Variants in PABPC4L observed in about 807,000 individuals in gnomAD.
The protein encoded by PABPC4L is poly(A) binding protein cytoplasmic 4 like, also known as polyadenylate-binding protein 4-like.
For missense variants in PABPC4L, 452 were observed against 451.4 expected, an observed-to-expected ratio of 1.00 and a Z score of -0.01; for synonymous variants, 169 against 164.1, an observed-to-expected ratio of 1.03 and a Z score of -0.23.
the PABPC4L span, among the ~76,000 whole-genome samples, chr4:133,969,162 C>G: frequency 6.6e-6 from 1 of 152,148 alleles, no homozygotes; most frequent in Non-Finnish European, 1.5e-5. Flanking sequence ...TTCCTTCTCA[C>G]TCTATATACA....
the PABPC4L span, among the ~76,000 whole-genome samples, chr4:134,133,597 C>G: frequency 1.3e-5 from 2 of 151,392 alleles, no homozygotes; most frequent in Non-Finnish European, 2.9e-5. Flanking sequence ...ACCCAATCAT[C>G]AACGTCGTAT....
the PABPC4L span, among the ~76,000 whole-genome samples, chr4:134,056,555 G>A: frequency 1.3e-5 from 2 of 151,408 alleles, no homozygotes; most frequent in African/African-American, 4.8e-5. Context: ...ATACAGTTCT[G>A]GTTAGAATTA....
chr4:134,024,868 C>T, the PABPC4L span, among the ~76,000 whole-genome samples: 2 of 144,896 alleles, frequency 1.4e-5, no homozygotes, highest in Non-Finnish European at 3.0e-5. Flanking sequence ...CTCCTAGGCT[C>T]AAACGATTTT....
the PABPC4L span, among the ~76,000 whole-genome samples, chr4:133,999,286 G>A: frequency 6.6e-6 from 1 of 152,040 alleles, no homozygotes; most frequent in East Asian, 1.9e-4. Context: ...TGAACTCAGA[G>A]ATGGGAAAGA....
At chr4:134,048,958 A>C in the PABPC4L span, among the ~76,000 whole-genome samples, 1 of 152,118 alleles carries the variant, frequency 6.6e-6, no homozygotes, top group Non-Finnish European at 1.5e-5. Context: ...AAAATAAGGA[A>C]AAATTCTAGA....
rs769894296 is a variant in PABPC4L at position 134,200,265 on chromosome 4, C to A, written c.755G>T (p.Gly252Val). The change falls in exon 2 of 2, where the codon GGA becomes GTA. Residue 252 changes from glycine (G) to valine (V), a missense_variant. Physicochemically the swap from Gly to Val is moderately radical, Grantham distance 109. Coordinates refer to ENST00000421491, the MANE Select transcript of PABPC4L (RefSeq NM_001114734.2). Reference sequence around the variant, plus strand: ...AATCAGCTGCCCATTTATGTCCCTTCCATTCATTTCTTCAACAGCTTTCTT... The same window carrying A: ...AATCAGCTGCCCATTTATGTCCCTTACATTCATTTCTTCAACAGCTTTCTT... ...AAKKAVEEMN[G>V]RDINGQLIFV... 4.5e-6 allele frequency: 7 copies of A among 1,559,414 alleles called. No homozygotes were observed. Among genetic ancestry groups the A allele is most frequent in the East Asian group, 4.8e-5 (2 of 41,566 alleles).
the PABPC4L span, among the ~76,000 whole-genome samples, chr4:134,163,849 A>G: frequency 1.3e-5 from 2 of 152,184 alleles, no homozygotes; most frequent in African/African-American, 2.4e-5. Flanking sequence ...ATACATAAAC[A>G]TAATATGTCA....
chr4:133,974,164 T>C, the PABPC4L span, among the ~76,000 whole-genome samples: 2 of 151,668 alleles, frequency 1.3e-5, no homozygotes, highest in African/African-American at 4.9e-5. Flanking sequence ...GATAAAAATA[T>C]AGATAATTGG....
At chr4:134,009,495 C>T in the PABPC4L span, among the ~76,000 whole-genome samples, 1 of 151,946 alleles carries the variant, frequency 6.6e-6, no homozygotes. Context: ...AATATATTGG[C>T]TACAGTACTA....
chr4:134,165,282 A>T, the PABPC4L span, among the ~76,000 whole-genome samples: 5 of 152,162 alleles, frequency 3.3e-5, no homozygotes, highest in Non-Finnish European at 7.4e-5. Context: ...AAATGAATAA[A>T]TGAGACCTCA....
chr4:133,984,188 T>G, the PABPC4L span, among the ~76,000 whole-genome samples: 1 of 151,844 alleles, frequency 6.6e-6, no homozygotes, highest in Non-Finnish European at 1.5e-5. Context: ...GAAAGATAAT[T>G]ATTGACTTTA....
chr4:133,982,134 C>G, the PABPC4L span, among the ~76,000 whole-genome samples: 2 of 151,952 alleles, frequency 1.3e-5, no homozygotes, highest in African/African-American at 2.4e-5. Flanking sequence ...TGAACTACTT[C>G]CTATAAAAAC....
chr4:134,098,342 G>A, the PABPC4L span, among the ~76,000 whole-genome samples: 2 of 151,636 alleles, frequency 1.3e-5, no homozygotes, highest in South Asian at 2.1e-4. Context: ...GTAAATGGGG[G>A]TAAGAGTTGT....
the PABPC4L span, among the ~76,000 whole-genome samples, chr4:134,189,053 T>C: frequency 6.6e-6 from 1 of 152,074 alleles, no homozygotes; most frequent in Non-Finnish European, 1.5e-5. Flanking sequence ...GATTTTCTCC[T>C]CAGCCTTATC....
At chr4:134,099,801 C>T in the PABPC4L span, among the ~76,000 whole-genome samples, 1 of 151,596 alleles carries the variant, frequency 6.6e-6, no homozygotes, top group African/African-American at 2.4e-5. Flanking sequence ...GATTGACCCT[C>T]CACACGAAAC....
At chr4:134,059,043 G>A in the PABPC4L span, among the ~76,000 whole-genome samples, 26 of 152,116 alleles carry the variant, frequency 1.7e-4, no homozygotes, top group Middle Eastern at 3.4e-3. Flanking sequence ...CTCAAGAGAA[G>A]GGGGTAAACG....
chr4:134,058,355 A>T, the PABPC4L span, among the ~76,000 whole-genome samples: 1 of 152,016 alleles, frequency 6.6e-6, no homozygotes, highest in East Asian at 1.9e-4. Flanking sequence ...AGTTTTGAAA[A>T]TATATACTAA....
the PABPC4L span, among the ~76,000 whole-genome samples, chr4:134,020,109 C>T: frequency 6.6e-6 from 1 of 152,020 alleles, no homozygotes; most frequent in Admixed American, 6.6e-5. Flanking sequence ...GAGTCCCTAC[C>T]CAGACCCCAA....
chr4:134,049,192 A>C, the PABPC4L span, among the ~76,000 whole-genome samples: 1 of 152,046 alleles, frequency 6.6e-6, no homozygotes, highest in African/African-American at 2.4e-5. Flanking sequence ...AATAACACAA[A>C]TATTTTTGTC....
Sources: allele counts gnomAD v4.1 joint callset (sites outside exome capture counted in the v4.1 genomes callset), GRCh38; gene constraint gnomAD v4.1.1; transcripts MANE v1.5; gene names NCBI Gene and HGNC (gene_info 2026-07-23, HGNC 2026-07-21).